BPNT2: variants seen among roughly 807,000 people sequenced by gnomAD.
The protein encoded by BPNT2 is Golgi-resident adenosine 3',5'-bisphosphate 3'-phosphatase.
Under a neutral mutation model 29.3 loss-of-function variants are expected in BPNT2, and 11 were observed. That is an observed-to-expected ratio of 0.38 (90% CI 0.24 to 0.62). BPNT2 has a LOEUF of 0.62. Among genes scored for constraint, BPNT2 ranks in the 20% least tolerant of loss-of-function variants. The pLI, the probability that BPNT2 is intolerant of heterozygous loss-of-function variation, is 0.62. For synonymous variants in BPNT2, 195 were observed against 187.7 expected (o/e 1.04, Z -0.32); for missense variants, 459 against 473.4 (o/e 0.97, Z 0.28).
At position 56,964,024 on chromosome 8, in the gene BPNT2, A is replaced by T; in HGVS notation, c.849T>A (p.Ser283Arg). The change falls in exon 5 of 5, where the codon AGT becomes AGA. Residue 283 changes from serine to arginine, a missense_variant. Physicochemically the swap from Ser to Arg is moderately radical, Grantham distance 110. Transcript: ENST00000262644. ...VLALLDVPDK[S>R]QEKADLYIHV... ...GGATGTATAAATCAGCTTTTTCTTG[A>T]CTCTTATCAGGCACATCCAAAAGTG... 1 of 1,606,382 alleles carries T rather than the reference A, an allele frequency of 6.2e-7. No individual in the cohort carries two copies. The highest frequency in any genetic ancestry group is 8.5e-7 in the Non-Finnish European group (1 of 1,175,208).
chr8:56,976,191 C>T (rs1806130047), intron 3 of BPNT2, among the ~76,000 whole-genome samples: 1 of 152,110 alleles, frequency 6.6e-6, no homozygotes, highest in African/African-American at 2.4e-5. Flanking sequence ...TGAAATACAG[C>T]TGAAGTGGTG....
Position 56,991,140 on chromosome 8 carries a change from TC to T in BPNT2, c.387+2058del, listed in dbSNP as rs533362342. 3.7e-4 allele frequency among the ~76,000 whole-genome samples: 56 copies of T among 152,350 alleles called. 1 individual carries two copies. The highest frequency in any genetic ancestry group is 1.3e-3 in the African/African-American group (55 of 41,594). ...ACTTAGTTGGCTACAATATTTGGCC[TC>T]TAGCCTATAACACAGGGGTATAAGG... On this transcript the variant is annotated intron_variant, in intron 1 of 4. Coordinates refer to ENST00000262644, the MANE Select transcript of BPNT2 (RefSeq NM_017813.5).
At chr8:56,973,652 A>G (rs1439852499) in intron 3 of BPNT2, among the ~76,000 whole-genome samples, 3 of 152,210 alleles carry the variant, frequency 2.0e-5, no homozygotes, top group Admixed American at 2.0e-4. Context: ...TTAACAGAAG[A>G]CGACTTGATG....
Position 56,971,786 on chromosome 8 carries a change from C to CCA in BPNT2, c.647-5435_647-5434insTG, listed in dbSNP as rs1214550529. On this transcript the variant is annotated intron_variant, in intron 3 of 4. Transcript: ENST00000262644. Reference sequence around the variant, plus strand: ...TTACTGAAATAATTTTGTACCACCCCCCCCCCCACAATGCTACTGTGTGGG... The same window carrying CCA: ...TTACTGAAATAATTTTGTACCACCCCCACCCCCCCACAATGCTACTGTGTGGG... 6.0e-4 allele frequency among the ~76,000 whole-genome samples: 87 copies of CCA among 143,820 alleles called. 4 individuals carry two copies. The highest frequency in any genetic ancestry group is 2.1e-3 in the African/African-American group (80 of 38,982). The allele number at this position is 143,820 out of a possible 152,430, so 94.4% of individuals were successfully genotyped here. A position where few individuals can be genotyped will look rare whatever the true frequency, so the allele number is the denominator to read the frequency against.
In BPNT2 at chr8:56,993,848, T is replaced by C. The variant is rs936187182; in HGVS notation, c.-263A>G. ...CCGGCCGGCTGGTCCGACTTCCACG[T>C]TAGCCTACGGCCGCGAGGTGAAAGG... On this transcript the variant is annotated 5_prime_UTR_variant, in exon 1 of 5. Coordinates refer to ENST00000262644, the MANE Select transcript of BPNT2 (RefSeq NM_017813.5). 1.4e-4 allele frequency: 33 copies of C among 229,734 alleles called. No homozygotes were observed. Among genetic ancestry groups the C allele is most frequent in the African/African-American group, 7.0e-4 (30 of 43,036 alleles). The allele number at this position is 229,734 out of a possible 1,614,324, so 14.2% of individuals were successfully genotyped here.
intron 3 of BPNT2, among the ~76,000 whole-genome samples, chr8:56,976,235 C>A (rs1806130650): frequency 6.6e-6 from 1 of 152,112 alleles, no homozygotes. Context: ...AAGACAACAG[C>A]AAAGCAACAA....
At chr8:56,975,168 G>C (rs1006207087) in intron 3 of BPNT2, among the ~76,000 whole-genome samples, 2 of 152,040 alleles carry the variant, frequency 1.3e-5, no homozygotes, top group African/African-American at 4.8e-5. Context: ...TGAGAACCGT[G>C]GTAAATGAGA....
intron 3 of BPNT2, among the ~76,000 whole-genome samples, chr8:56,970,214 C>A (rs544930461): frequency 4.6e-5 from 7 of 152,146 alleles, no homozygotes; most frequent in Non-Finnish European, 8.8e-5. Flanking sequence ...GTCATGAACA[C>A]TTTAATCATC....
At chr8:56,969,724 GATAA>G (rs376938559) in intron 3 of BPNT2, among the ~76,000 whole-genome samples, 19 of 152,102 alleles carry the variant, frequency 1.2e-4, no homozygotes, top group African/African-American at 3.1e-4. Context: ...AAGAAAAAAG[GATAA>G]ATAAAGGCAT....
Position 56,993,749 on chromosome 8 carries a change from G to A in BPNT2, c.-164C>T. The A allele has an allele frequency of 1.1e-6, 1 of 908,538 alleles. No individual in the cohort carries two copies. The highest frequency in any genetic ancestry group is 1.3e-6 in the Non-Finnish European group (1 of 755,800). 56.3% of individuals were successfully genotyped at this position (908,538 alleles called of 1,614,324 possible). ...CCATCACTCCCTCCCAGGAAAGGCC[G>A]AGTTGCGCCGCGAAGACCACCAACG... On this transcript the variant is annotated 5_prime_UTR_variant, in exon 1 of 5. Transcript: ENST00000262644.
intron 3 of BPNT2, among the ~76,000 whole-genome samples, chr8:56,977,706 GAC>G (rs1339590866): frequency 6.6e-6 from 1 of 152,138 alleles, no homozygotes; most frequent in Non-Finnish European, 1.5e-5. Context: ...GAGGAGAAGA[GAC>G]ACAGACACAC....
chr8:56,958,068 AG>A lies in BPNT2; in HGVS notation c.*5724del, dbSNP rs1311178040. Reference sequence around the variant, plus strand: ...GCAAATTGCCTGGGGTAGTATCTGAAGGAAAGGCAAAACTTTTAAAAACAAT... The same window carrying A: ...GCAAATTGCCTGGGGTAGTATCTGAAGAAAGGCAAAACTTTTAAAAACAAT... On this transcript the variant is annotated 3_prime_UTR_variant, in exon 5 of 5. Coordinates refer to ENST00000262644, the MANE Select transcript of BPNT2 (RefSeq NM_017813.5). 1.3e-5 allele frequency: 2 copies of A among 152,164 alleles called. No individual in the cohort carries two copies. Among genetic ancestry groups the A allele is most frequent in the Non-Finnish European group, 2.9e-5 (2 of 68,020 alleles). 9.4% of individuals were successfully genotyped at this position (152,164 alleles called of 1,614,324 possible). A position where few individuals can be genotyped will look rare whatever the true frequency, so the allele number is the denominator to read the frequency against.
intron 1 of BPNT2, among the ~76,000 whole-genome samples, chr8:56,992,035 T>C (rs903730423): frequency 3.3e-5 from 5 of 152,146 alleles, no homozygotes; most frequent in Admixed American, 1.3e-4. Context: ...AATGTTCCTT[T>C]CCACTGGAAA....
At chr8:56,977,882 T>C (rs1032306223) in intron 3 of BPNT2, among the ~76,000 whole-genome samples, 168 bp downstream of exon 3, 1 of 152,184 alleles carries the variant, frequency 6.6e-6, no homozygotes, top group Non-Finnish European at 1.5e-5. Context: ...TCCAGAACTG[T>C]CAGACACTAC....
intron 3 of BPNT2, among the ~76,000 whole-genome samples, chr8:56,971,524 C>A (rs1806030985): frequency 6.6e-6 from 1 of 151,606 alleles, no homozygotes; most frequent in African/African-American, 2.4e-5. Context: ...AATTAAGTAG[C>A]CTAGAAATAT....
chr8:56,959,085 A>G lies in BPNT2; in HGVS notation c.*4708T>C, dbSNP rs1282206421. The G allele has an allele frequency of 6.6e-6, 1 of 152,252 alleles. No individual in the cohort carries two copies. Among genetic ancestry groups the G allele is most frequent in the Non-Finnish European group, 1.5e-5 (1 of 68,052 alleles). The allele number at this position is 152,252 out of a possible 1,614,324, so 9.4% of individuals were successfully genotyped here. ...TTTTAAGGGAACATATTACTAATCA[A>G]ATAACACAGTTTATGCTTTTTCAAT... On this transcript the variant is annotated 3_prime_UTR_variant, in exon 5 of 5. Transcript: ENST00000262644.
chr8:56,989,578 A>G (rs1806379351), intron 1 of BPNT2, among the ~76,000 whole-genome samples: 1 of 152,170 alleles, frequency 6.6e-6, no homozygotes, highest in African/African-American at 2.4e-5. Flanking sequence ...AAACAAGCTC[A>G]GCATAACTTC....
At position 56,993,467 on chromosome 8, in the gene BPNT2, C is replaced by A; in HGVS notation, c.119G>T (p.Gly40Val). 1 of 1,495,526 alleles carries A rather than the reference C, an allele frequency of 6.7e-7. No individual in the cohort carries two copies. The highest frequency in any genetic ancestry group is 8.9e-7 in the Non-Finnish European group (1 of 1,122,940). The allele number at this position is 1,495,526 out of a possible 1,614,324, so 92.6% of individuals were successfully genotyped here. Residue 40 changes from glycine to valine, a missense_variant, in exon 1 of 5, where the codon GGC (glycine) becomes GTC (valine). Physicochemically the swap from Gly to Val is moderately radical, Grantham distance 109 (BLOSUM62 -3). Coordinates refer to ENST00000262644, the MANE Select transcript of BPNT2 (RefSeq NM_017813.5). The stretch of plus-strand genomic sequence containing the variant: ...GCCGCCGCCAGGCTCGCCGCCCAGG[C>A]CGAAGAGGCTGAAGCGGCCGGCCAA... The part of the protein sequence containing the change: ...GFLAGRFSLF[G>V]LGGEPGGGAA...
At chr8:56,971,792 C>CCCCG (rs1554539144) in intron 3 of BPNT2, among the ~76,000 whole-genome samples, 6 of 147,692 alleles carry the variant, frequency 4.1e-5, no homozygotes, top group African/African-American at 1.5e-4. Flanking sequence ...ACCCCCCCCC[C>CCCCG]CACAATGCTA....
Sources: gnomAD v4.1 joint callset for allele counts (sites outside exome capture counted in the v4.1 genomes callset) on GRCh38, gnomAD v4.1.1 for gene constraint, MANE v1.5 for transcripts, NCBI Gene and HGNC (gene_info 2026-07-23, HGNC 2026-07-21) for gene names.